The following LYST variants were observed in gnomAD, a reference collection of about 807,000 sequenced individuals.
LYST encodes the protein lysosomal trafficking regulator.
A neutral mutation model predicts 413.6 loss-of-function variants in LYST; 192 were observed. That is an observed-to-expected ratio of 0.46 (90% confidence interval 0.41 to 0.52). LYST has a LOEUF of 0.52. LYST is among the 20% of genes least tolerant of loss of function. The probability of loss-of-function intolerance (pLI) is 0.00; values close to 1 mark genes in which losing one functional copy is unlikely to be tolerated. For synonymous variants in LYST, 1,525 were observed against 1,567.3 expected, an observed-to-expected ratio of 0.97 and a Z score of 0.64; for missense variants, 3,815 against 4,499.9, an observed-to-expected ratio of 0.85 and a Z score of 4.35.
chr1:235,880,115 G>GCA (rs1426450486), intron 1 of LYST, among the ~76,000 whole-genome samples: 3 of 152,150 alleles, frequency 2.0e-5, no homozygotes, highest in African/African-American at 7.2e-5. Flanking sequence ...TACATGCATA[G>GCA]CACTGTACCT....
intron 39 of LYST, among the ~76,000 whole-genome samples, chr1:235,723,246 A>T (rs1223114737): frequency 6.6e-6 from 1 of 152,240 alleles, no homozygotes; most frequent in African/African-American, 2.4e-5. Context: ...TGAGATGTCA[A>T]TTAGTGACTT....
In LYST at chr1:235,752,147, C is replaced by A. The variant is rs140719765; in HGVS notation, c.7485G>T (p.Leu2495Phe). The stretch of plus-strand genomic sequence containing the variant: ...AAAGTTGCTGTATATCACAAGCAAG[C>A]AATTTATATTCACTCATGGGAATGC... Reference protein sequence around the residue: ...EKNIPMSEYKLLACDIQQLFI... With the variant: ...EKNIPMSEYKFLACDIQQLFI... Residue 2495 changes from leucine (L) to phenylalanine (F), a missense_variant, in exon 27 of 53, where the codon TTG (leucine) becomes TTT (phenylalanine). Transcript: ENST00000389793. 9 of 1,610,314 alleles carry A rather than the reference C, an allele frequency of 5.6e-6. No homozygotes were observed. In the African/African-American group the frequency reaches 1.1e-4, roughly 19 times the overall value.
chr1:235,817,280 G>T (rs779522582), intron 3 of LYST, among the ~76,000 whole-genome samples: 13 of 152,062 alleles, frequency 8.5e-5, no homozygotes, highest in Non-Finnish European at 1.8e-4. Context: ...TGGTGGGAAC[G>T]TAAGTTAGTT....
At chr1:235,831,092 C>G (rs1426147138) in intron 2 of LYST, among the ~76,000 whole-genome samples, 1 of 152,134 alleles carries the variant, frequency 6.6e-6, no homozygotes, top group African/African-American at 2.4e-5. Flanking sequence ...ACGAAATCCC[C>G]AAGGAGTTTC....
At chr1:235,822,719 G>C (rs914533046) in intron 3 of LYST, among the ~76,000 whole-genome samples, 26 of 152,360 alleles carry the variant, frequency 1.7e-4, no homozygotes, top group Middle Eastern at 3.4e-3. Context: ...TCAAGTGATA[G>C]AGTCTATTTC....
At chr1:235,826,323 T>C (rs149762259) in intron 3 of LYST, among the ~76,000 whole-genome samples, 2 of 152,340 alleles carry the variant, frequency 1.3e-5, no homozygotes, top group East Asian at 1.9e-4. Flanking sequence ...AGGACTTTTA[T>C]AGGAATGTTC....
chr1:235,736,942 C>T (rs1033172990), intron 31 of LYST: 6 of 151,914 alleles, frequency 3.9e-5, no homozygotes, highest in Admixed American at 1.3e-4. Flanking sequence ...TGTTTCACAA[C>T]GTTGCTTTTA....
At chr1:235,752,707 T>G (rs1008661402) in intron 26 of LYST, among the ~76,000 whole-genome samples, 5 of 152,086 alleles carry the variant, frequency 3.3e-5, no homozygotes, top group African/African-American at 1.2e-4. Flanking sequence ...ATTAGTTACT[T>G]CTGGTCTTCA....
chr1:235,662,298 A>C lies in LYST; in HGVS notation c.*642T>G, dbSNP rs187622686. ...GTATTCTTGTTTGTGGCTGTCAAAA[A>C]AATTCTGGTTCTCCTTTGAGCTAAG... On this transcript the variant is annotated 3_prime_UTR_variant, in exon 53 of 53. Coordinates refer to ENST00000389793, the MANE Select transcript of LYST (RefSeq NM_000081.4). 6.5e-6 allele frequency: 1 copy of C among 152,776 alleles called. No homozygotes were observed. The highest frequency in any genetic ancestry group is 2.4e-5 in the African/African-American group (1 of 41,454). The allele number at this position is 152,776 out of a possible 1,614,324, so 9.5% of individuals were successfully genotyped here.
At chr1:235,847,314 G>A (rs1005107812) in intron 1 of LYST, among the ~76,000 whole-genome samples, 6 of 152,116 alleles carry the variant, frequency 3.9e-5, no homozygotes, top group African/African-American at 1.4e-4. Context: ...GTCTTTTTCA[G>A]ACAAACACAT....
intron 28 of LYST, chr1:235,747,387 ATTAC>A: frequency 3.4e-6 from 1 of 298,492 alleles, no homozygotes; most frequent in Non-Finnish European, 7.0e-6. Context: ...CTCTACAAAA[ATTAC>A]TTACATATGA....
At chr1:235,806,800 G>C in intron 5 of LYST, 28 bp from the exon 6 acceptor site, 1 of 1,482,612 alleles carries the variant, frequency 6.7e-7, no homozygotes, top group Non-Finnish European at 9.4e-7. Context: ...CATGTAAAAA[G>C]GTTTAAATAA....
At chr1:235,669,762 T>C (rs1658782426) in intron 50 of LYST, among the ~76,000 whole-genome samples, 2 of 152,220 alleles carry the variant, frequency 1.3e-5, no homozygotes. Context: ...CCGAGTGTAC[T>C]TTCATTTTCA....
At chr1:235,797,136 CAT>C (rs1671634912) in intron 10 of LYST, among the ~76,000 whole-genome samples, 1 of 152,028 alleles carries the variant, frequency 6.6e-6, no homozygotes. Flanking sequence ...GAAATGAAAA[CAT>C]ATGTTCACAC....
At chr1:235,849,323 A>C (rs1268926648) in intron 1 of LYST, among the ~76,000 whole-genome samples, 1 of 152,128 alleles carries the variant, frequency 6.6e-6, no homozygotes, top group Non-Finnish European at 1.5e-5. Flanking sequence ...AGCATCCTTT[A>C]TGATTAAAAT....
At position 235,716,821 on chromosome 1, in the gene LYST, T is replaced by C. The variant is rs577392158; in HGVS notation, c.9561-43A>G. On this transcript the variant is annotated intron_variant, in intron 40 of 52. Transcript: ENST00000389793. ...TTTTAAAAATTAAATATTTTGATAC[T>C]GTCAAGATTAAGCTCCCTAGATGTC... The C allele has an allele frequency of 6.7e-6, 8 of 1,199,704 alleles. No homozygotes were observed. The Admixed American group carries it at 1.0e-4, about 15-fold the overall frequency. 74.3% of individuals were successfully genotyped at this position (1,199,704 alleles called of 1,614,324 possible). A position where few individuals can be genotyped will look rare whatever the true frequency, so the allele number is the denominator to read the frequency against.
At chr1:235,738,007 C>A (rs191546197) in intron 31 of LYST, 1 of 1,494,662 alleles carries the variant, frequency 6.7e-7, no homozygotes, top group Non-Finnish European at 9.0e-7. Context: ...CTCAAGTATA[C>A]GCTCAAGGAT....
At chr1:235,789,196 G>A (rs1388136020) in intron 12 of LYST, among the ~76,000 whole-genome samples, 3 of 151,964 alleles carry the variant, frequency 2.0e-5, no homozygotes, top group African/African-American at 7.3e-5. Context: ...CTGGTCCAGG[G>A]AGCACACATC....
chr1:235,795,120 G>C (rs1450507605), intron 10 of LYST, among the ~76,000 whole-genome samples: 2 of 152,132 alleles, frequency 1.3e-5, no homozygotes, highest in Non-Finnish European at 2.9e-5. Context: ...GCAGTAAGAA[G>C]CCGAGCTGTC....
Sources: allele counts gnomAD v4.1 joint callset (sites outside exome capture counted in the v4.1 genomes callset), GRCh38; gene constraint gnomAD v4.1.1; transcripts MANE v1.5; gene names NCBI Gene and HGNC (gene_info 2026-07-23, HGNC 2026-07-21).